Variants in ZNF507 observed in about 807,000 individuals in gnomAD.
The protein encoded by ZNF507 is zinc finger protein 507.
ZNF507 carries 29 observed loss-of-function variants against 80.0 expected under a neutral mutation model. The ratio of observed to expected loss-of-function variants is 0.36; its 90% CI spans 0.27 to 0.49. ZNF507 has a LOEUF of 0.49. Ranked by LOEUF, ZNF507 falls within the 20% of genes least tolerant of loss-of-function variation. The pLI, the probability that ZNF507 is intolerant of heterozygous loss-of-function variation, is 0.98. For synonymous variants in ZNF507, 462 were observed against 422.5 expected, an observed-to-expected ratio of 1.09 and a Z score of -1.15; for missense variants, 1,081 against 1,152.2, an observed-to-expected ratio of 0.94 and a Z score of 0.90.
chr19:32,351,470 T>TGG (rs1568301906), intron 2 of ZNF507, among the ~76,000 whole-genome samples: 2 of 102,562 alleles, frequency 2.0e-5, no homozygotes, highest in East Asian at 3.1e-4. Context: ...TGTGTGTGTG[T>TGG]GGCGTGGGGG....
intron 5 of ZNF507, among the ~76,000 whole-genome samples, chr19:32,371,479 C>CAAAA (rs558295166): frequency 8.9e-6 from 1 of 112,320 alleles, no homozygotes; most frequent in Admixed American, 9.5e-5. Flanking sequence ...ACTCCCATCT[C>CAAAA]AAAAAAAAAA....
At chr19:32,368,388 G>A (rs1473321970) in intron 5 of ZNF507, among the ~76,000 whole-genome samples, 1 of 152,206 alleles carries the variant, frequency 6.6e-6, no homozygotes, top group African/African-American at 2.4e-5. Flanking sequence ...GGCATCAGCT[G>A]GAACACATAC....
intron 2 of ZNF507, among the ~76,000 whole-genome samples, chr19:32,348,948 G>A (rs374610292): frequency 6.6e-6 from 1 of 152,142 alleles, no homozygotes; most frequent in African/African-American, 2.4e-5. Flanking sequence ...CAAATGGCAC[G>A]TTGAAATGAG....
intron 3 of ZNF507, 21 bp from the exon 4 acceptor site, chr19:32,356,595 A>T (rs764813220): frequency 6.4e-7 from 1 of 1,564,600 alleles, no homozygotes; most frequent in Non-Finnish European, 8.8e-7. Flanking sequence ...TGAAAATTAC[A>T]TATTTCTTTC....
intron 5 of ZNF507, among the ~76,000 whole-genome samples, chr19:32,372,952 G>C (rs550425787): frequency 2.0e-5 from 3 of 152,286 alleles, no homozygotes; most frequent in African/African-American, 7.2e-5. Flanking sequence ...GAAATGTGTT[G>C]CTTACGGTTC....
intron 5 of ZNF507, among the ~76,000 whole-genome samples, chr19:32,373,301 C>T (rs1247673500): frequency 6.6e-6 from 1 of 152,152 alleles, no homozygotes; most frequent in East Asian, 1.9e-4. Flanking sequence ...AAGGCCCCAC[C>T]TCTTAATACT....
intron 5 of ZNF507, 193 bp from the exon 6 acceptor site, chr19:32,382,274 C>G (rs1967633143): frequency 1.8e-6 from 1 of 552,782 alleles, no homozygotes; most frequent in Non-Finnish European, 3.1e-6. Context: ...TTCATTGATT[C>G]TAGGACTTCC....
At chr19:32,368,191 C>A (rs1170372795) in intron 5 of ZNF507, among the ~76,000 whole-genome samples, 1 of 152,194 alleles carries the variant, frequency 6.6e-6, no homozygotes, top group East Asian at 1.9e-4. Flanking sequence ...GAAGCAATTT[C>A]ATTATGCTCA....
Position 32,345,755 on chromosome 19 carries a change from C to G in ZNF507, c.-125C>G, listed in dbSNP as rs1599541026. ...GTCCTGGCTGGCCAAACGAGGCTCG[C>G]GGAAGCAGCAGCCGCCGCCTGACCG... On this transcript the variant is annotated 5_prime_UTR_variant, in exon 1 of 7. Transcript: ENST00000355898. The G allele has an allele frequency of 6.5e-6, 1 of 153,242 alleles. No homozygotes were observed. The highest frequency in any genetic ancestry group is 1.9e-4 in the South Asian group (1 of 5,176). The allele number at this position is 153,242 out of a possible 1,614,324, so 9.5% of individuals were successfully genotyped here.
At chr19:32,359,231 T>C (rs1172832269) in intron 4 of ZNF507, 1 of 152,254 alleles carries the variant, frequency 6.6e-6, no homozygotes, top group East Asian at 1.9e-4. Flanking sequence ...ATTAACGTTA[T>C]AGATTTATAC....
At chr19:32,380,851 C>G (rs1027470453) in intron 5 of ZNF507, among the ~76,000 whole-genome samples, 1 of 152,024 alleles carries the variant, frequency 6.6e-6, no homozygotes. Flanking sequence ...ATTGCTTGAG[C>G]CCGGGAGTTT....
chr19:32,352,915 C>A lies in ZNF507; in HGVS notation c.85C>A (p.Pro29Thr), dbSNP rs766143247. 1.2e-6 allele frequency: 2 copies of A among 1,613,978 alleles called. No individual in the cohort carries two copies. Among genetic ancestry groups the A allele is most frequent in the Admixed American group, 1.7e-5 (1 of 59,990 alleles). Reference protein sequence around the residue: ...AILTAESIISPSLEIDEQRKT... With the variant: ...AILTAESIISTSLEIDEQRKT... ...ACTGACTGCTGAAAGTATCATCAGT[C>A]CTTCATTGGAAATTGATGAACAAAG... The change falls in exon 3 of 7, where the codon CCT becomes ACT. Residue 29 changes from proline to threonine, a missense_variant. Around this residue, in one of 6 missense-constraint regions of ZNF507, gnomAD observed 275 missense variants for 303.9 expected, o/e 0.90. Transcript: ENST00000355898.
rs1022294838 is a variant in ZNF507 at position 32,385,242 on chromosome 19, A to G, written c.*2159A>G. On this transcript the variant is annotated 3_prime_UTR_variant, in exon 7 of 7. Transcript: ENST00000355898. Reference sequence around the variant, plus strand: ...CCATTGATTGTTACTTAAATTTTCCACCTGGAATCATGGATTTAAAATTTC... The same window carrying G: ...CCATTGATTGTTACTTAAATTTTCCGCCTGGAATCATGGATTTAAAATTTC... 6.6e-6 allele frequency: 1 copy of G among 152,200 alleles called. No homozygotes were observed. The highest frequency in any genetic ancestry group is 1.9e-4 in the East Asian group (1 of 5,198). The allele number at this position is 152,200 out of a possible 1,614,324, so 9.4% of individuals were successfully genotyped here.
Position 32,360,537 on chromosome 19 carries a change from G to A in ZNF507, c.2279G>A (p.Cys760Tyr). ...TCTTCAGTCCAGAAACAATATAGAT[G>A]TGATGTGTGTGATTATACAAGTACA... ...NKSSVQKQYR[C>Y]DVCDYTSTTY... is the part of the protein sequence containing the mutation. The change falls in exon 5 of 7, where the codon TGT becomes TAT. Residue 760 changes from cysteine to tyrosine, a missense_variant. Physicochemically the swap from Cys to Tyr is radical, Grantham distance 194 (BLOSUM62 -2). Around this residue, in one of 6 missense-constraint regions of ZNF507, gnomAD observed 40 missense variants for 52.4 expected, o/e 0.76. Transcript: ENST00000355898. The A allele has an allele frequency of 6.3e-6, 10 of 1,599,262 alleles. No homozygotes were observed. Among genetic ancestry groups the A allele is most frequent in the Non-Finnish European group, 8.5e-6 (10 of 1,173,710 alleles).
At chr19:32,370,406 C>A (rs769899189) in intron 5 of ZNF507, among the ~76,000 whole-genome samples, 3 of 152,186 alleles carry the variant, frequency 2.0e-5, no homozygotes, top group Non-Finnish European at 4.4e-5. Flanking sequence ...AACATTTATT[C>A]TCTCTTTTGT....
intron 5 of ZNF507, among the ~76,000 whole-genome samples, chr19:32,375,547 AAAGAGACTT>A (rs1484132144): frequency 6.6e-6 from 1 of 152,246 alleles, no homozygotes; most frequent in African/African-American, 2.4e-5. Flanking sequence ...TTATAGATTA[AAAGAGACTT>A]AAGAGACTTA....
chr19:32,364,761 C>T (rs1011223122), intron 5 of ZNF507, among the ~76,000 whole-genome samples: 2 of 152,156 alleles, frequency 1.3e-5, no homozygotes, highest in African/African-American at 2.4e-5. Context: ...GTTGGTTCCA[C>T]GATTTTGCTA....
chr19:32,356,852 C>A, intron 4 of ZNF507, 119 bp downstream of exon 4: 1 of 746,808 alleles, frequency 1.3e-6, no homozygotes, highest in Non-Finnish European at 2.4e-6. Flanking sequence ...ATTTTTGTAC[C>A]ATGGATGTGA....
At chr19:32,378,309 C>T (rs1967577987) in intron 5 of ZNF507, among the ~76,000 whole-genome samples, 1 of 152,106 alleles carries the variant, frequency 6.6e-6, no homozygotes, top group South Asian at 2.1e-4. Flanking sequence ...TCCGAGACCA[C>T]AACGCTGCAC....
Sources: allele counts gnomAD v4.1 joint callset (sites outside exome capture counted in the v4.1 genomes callset), GRCh38; gene constraint gnomAD v4.1.1; regional missense constraint gnomAD v4.1.1; transcripts MANE v1.5; gene names NCBI Gene and HGNC (gene_info 2026-07-23, HGNC 2026-07-21).